The following PCDH9 variants were observed in gnomAD, a reference collection of about 807,000 sequenced individuals.
PCDH9 encodes the protein protocadherin-9.
Under a neutral mutation model 70.6 loss-of-function variants are expected in PCDH9, and 24 were observed. That is an observed-to-expected ratio of 0.34 (90% CI 0.25 to 0.48). The LOEUF is 0.48. Ranked by LOEUF, PCDH9 falls within the 20% of genes least tolerant of loss-of-function variation. The pLI, the probability that PCDH9 is intolerant of heterozygous loss-of-function variation, is 0.99. For synonymous variants in PCDH9, 562 were observed against 558.5 expected (o/e 1.01, Z -0.09); for missense variants, 1,281 against 1,503.6 (o/e 0.85, Z 2.45).
In PCDH9 at chr13:67,115,592, A is replaced by G. The variant is rs900813430; in HGVS notation, c.3036+109813T>C. On this transcript the variant is annotated intron_variant, in intron 2 of 4. Transcript: ENST00000377865. ...GAACACTAATGGTGATTAATATGTG[A>G]TTAATATAGTTAGTAATGCAAATAA... Among the ~76,000 whole-genome samples the G allele has an allele frequency of 2.0e-5, 3 of 152,246 alleles. No individual in the cohort carries two copies. The East Asian group carries it at 5.8e-4, about 29-fold the overall frequency.
intron 4 of PCDH9, among the ~76,000 whole-genome samples, chr13:66,492,003 T>C (rs1210020144): frequency 6.6e-6 from 1 of 152,092 alleles, no homozygotes; most frequent in Non-Finnish European, 1.5e-5. Flanking sequence ...GCCACAAAGT[T>C]TGGTTCTCAA....
chr13:66,510,629 C>T (rs549731685), intron 4 of PCDH9, among the ~76,000 whole-genome samples: 102 of 152,054 alleles, frequency 6.7e-4, no homozygotes, highest in African/African-American at 2.0e-3. Context: ...TTTGTCCTTG[C>T]GATAGTTTGC....
At chr13:66,447,661 A>C (rs1048048500) in intron 4 of PCDH9, among the ~76,000 whole-genome samples, 1 of 152,160 alleles carries the variant, frequency 6.6e-6, no homozygotes, top group Non-Finnish European at 1.5e-5. Context: ...ATATAATAAA[A>C]ACTGAAAGCA....
intron 3 of PCDH9, among the ~76,000 whole-genome samples, chr13:66,755,074 A>G (rs538022479): frequency 2.0e-5 from 3 of 152,314 alleles, no homozygotes; most frequent in South Asian, 2.1e-4. Flanking sequence ...TCCAAAGCCA[A>G]TATTCAAATA....
intron 3 of PCDH9, among the ~76,000 whole-genome samples, chr13:66,680,611 A>G (rs1242502311): frequency 6.6e-6 from 1 of 151,914 alleles, no homozygotes. Context: ...TTGCTGCTAT[A>G]AAGTAAAATT....
intron 4 of PCDH9, among the ~76,000 whole-genome samples, chr13:66,407,034 C>G (rs1008896627): frequency 1.3e-5 from 2 of 152,128 alleles, no homozygotes; most frequent in Non-Finnish European, 2.9e-5. Flanking sequence ...GGTTTATGTG[C>G]TTATCTCAGA....
intron 4 of PCDH9, among the ~76,000 whole-genome samples, chr13:66,422,091 C>G (rs533789405): frequency 1.6e-4 from 25 of 152,182 alleles, no homozygotes; most frequent in African/African-American, 6.0e-4. Context: ...GTAAAGGGAT[C>G]AATGCAACAA....
At chr13:66,588,320 C>G (rs942282017) in intron 4 of PCDH9, among the ~76,000 whole-genome samples, 1 of 151,976 alleles carries the variant, frequency 6.6e-6, no homozygotes, top group African/African-American at 2.4e-5. Flanking sequence ...TCTTCAGAGA[C>G]AGAAATCCTT....
intron 2 of PCDH9, among the ~76,000 whole-genome samples, chr13:67,119,307 A>C (rs2086835756): frequency 6.6e-6 from 1 of 152,106 alleles, no homozygotes. Flanking sequence ...ATAAGCAGTC[A>C]TCTATGAGAG....
intron 2 of PCDH9, among the ~76,000 whole-genome samples, chr13:66,999,127 C>T (rs759674884): frequency 6.6e-6 from 1 of 152,158 alleles, no homozygotes; most frequent in Non-Finnish European, 1.5e-5. Flanking sequence ...TATCTCTCTG[C>T]CTTTGCTCAG....
intron 4 of PCDH9, among the ~76,000 whole-genome samples, chr13:66,448,850 T>A (rs1239586278): frequency 1.6e-5 from 2 of 124,808 alleles, no homozygotes; most frequent in African/African-American, 5.8e-5. Flanking sequence ...GAAATTAAGT[T>A]ATGCTGCAAG....
At chr13:66,517,466 C>G (rs1959792093) in intron 4 of PCDH9, among the ~76,000 whole-genome samples, 1 of 152,076 alleles carries the variant, frequency 6.6e-6, no homozygotes, top group African/African-American at 2.4e-5. Context: ...ATGAAACAGG[C>G]ATTCTTAGAC....
At chr13:66,834,851 C>T (rs754984004) in intron 3 of PCDH9, among the ~76,000 whole-genome samples, 1 of 152,204 alleles carries the variant, frequency 6.6e-6, no homozygotes, top group Non-Finnish European at 1.5e-5. Flanking sequence ...AACCATGGAA[C>T]GCTTTGCTCC....
chr13:66,327,319 G>C (rs1955865952), intron 4 of PCDH9, among the ~76,000 whole-genome samples: 1 of 152,006 alleles, frequency 6.6e-6, no homozygotes, highest in Non-Finnish European at 1.5e-5. Context: ...TTCCATATTT[G>C]GTGGAAAGAA....
chr13:66,800,763 A>G (rs2080313649), intron 3 of PCDH9, among the ~76,000 whole-genome samples: 1 of 152,150 alleles, frequency 6.6e-6, no homozygotes, highest in African/African-American at 2.4e-5. Context: ...ATATCACAAT[A>G]TAAGTCAAAT....
chr13:67,064,638 T>C (rs1314970454), intron 2 of PCDH9, among the ~76,000 whole-genome samples: 1 of 152,148 alleles, frequency 6.6e-6, no homozygotes, highest in Non-Finnish European at 1.5e-5. Context: ...CAATTTTACT[T>C]ACAATAATCC....
chr13:66,431,874 T>C (rs1204839495), intron 4 of PCDH9, among the ~76,000 whole-genome samples: 1 of 152,030 alleles, frequency 6.6e-6, no homozygotes, highest in Non-Finnish European at 1.5e-5. Context: ...TATGATTTCA[T>C]AGACTATTGG....
intron 4 of PCDH9, among the ~76,000 whole-genome samples, chr13:66,614,607 G>A (rs1050244336): frequency 1.2e-4 from 18 of 152,096 alleles, no homozygotes; most frequent in Admixed American, 3.9e-4. Context: ...TGTCTTCCCC[G>A]GAAGCAGGCT....
rs569752508 is a variant in PCDH9 at position 66,491,252 on chromosome 13, T to C, written c.3340+139958A>G. On this transcript the variant is annotated intron_variant, in intron 4 of 4. Transcript: ENST00000377865. ...TTTTAAACAGTGGTTAAGGATCACT[T>C]GGCTTAAAGCACAATAGGAAAATTT... Among the ~76,000 whole-genome samples, 57 of 152,258 alleles carry C rather than the reference T, an allele frequency of 3.7e-4. No individual in the cohort carries two copies. The South Asian group carries it at 0.012, about 31-fold the overall frequency.
Sources: gnomAD v4.1 joint callset for allele counts (sites outside exome capture counted in the v4.1 genomes callset) on GRCh38, gnomAD v4.1.1 for gene constraint, MANE v1.5 for transcripts, NCBI Gene and HGNC (gene_info 2026-07-23, HGNC 2026-07-21) for gene names.